RP1: variants seen among roughly 807,000 people sequenced by gnomAD.
The protein encoded by RP1 is RP1 axonemal microtubule associated.
In RP1, 16 loss-of-function variants were observed where a neutral mutation model predicts 14.8. The observed-to-expected ratio is 1.08, with a 90% CI of 0.73 to 1.65. The LOEUF is 1.65. Ranked by LOEUF, RP1 falls within the 40% of genes most tolerant of loss-of-function variation. RP1 has a pLI of 0.00. For synonymous variants in RP1, 876 were observed against 883.6 expected (o/e 0.99, Z 0.15); for missense variants, 2,631 against 2,535.0 (o/e 1.04, Z -0.81).
intron 19 of RP1, among the ~76,000 whole-genome samples, chr8:54,739,852 T>C (rs1809027774): frequency 6.6e-6 from 1 of 152,078 alleles, no homozygotes; most frequent in Non-Finnish European, 1.5e-5. Context: ...AGCTGAAAAA[T>C]TCTTACTGCC....
At position 54,717,679 on chromosome 8, in the gene RP1, A is replaced by G. The variant is rs548219682; in HGVS notation, c.2212-2450A>G. Among the ~76,000 whole-genome samples, 24 of 152,296 alleles carry G rather than the reference A, an allele frequency of 1.6e-4. No homozygotes were observed. In the South Asian group the frequency reaches 5.0e-3, roughly 32 times the overall value. Reference sequence around the variant, plus strand: ...TGAGAAACTGGATGCTTTTTCTTTAAGATCAAGAACAAAGCAAGGACATCT... The same window carrying G: ...TGAGAAACTGGATGCTTTTTCTTTAGGATCAAGAACAAAGCAAGGACATCT... On this transcript the variant is annotated intron_variant, in intron 15 of 22. Transcript: ENST00000636932.
Position 54,807,675 on chromosome 8 carries a change from T to TC in RP1, c.3615+23965_3615+23966insC, listed in dbSNP as rs1810889429. Among the ~76,000 whole-genome samples, 4 of 113,646 alleles carry TC rather than the reference T, an allele frequency of 3.5e-5. No individual in the cohort carries two copies. In the Admixed American group the frequency reaches 3.9e-4, roughly 11 times the overall value. 74.6% of individuals were successfully genotyped at this position (113,646 alleles called of 152,430 possible). A position where few individuals can be genotyped will look rare whatever the true frequency, so the allele number is the denominator to read the frequency against. On this transcript the variant is annotated intron_variant, in intron 24 of 28. Transcript: ENST00000637698. ...CTATCTATCTATCTATCTATCTATC[T>TC]ATTTATCTATCTCTATCTATCTATC...
intron 7 of RP1, among the ~76,000 whole-genome samples, chr8:54,671,148 G>C (rs1003827349): frequency 1.3e-5 from 2 of 151,790 alleles, no homozygotes; most frequent in Non-Finnish European, 2.9e-5. Context: ...TTAATATTTT[G>C]AATGTATCAT....
intron 26 of RP1, among the ~76,000 whole-genome samples, chr8:54,854,017 A>C (rs975276510): frequency 6.6e-6 from 1 of 152,018 alleles, no homozygotes; most frequent in African/African-American, 2.4e-5. Flanking sequence ...GAAATGAAGG[A>C]AAGAAAATAA....
chr8:54,769,817 C>A, exon 23 of RP1: 2 of 1,511,472 alleles, frequency 1.3e-6, no homozygotes, highest in Non-Finnish European at 1.8e-6. Flanking sequence ...TTACTGAAAC[C>A]ATCAGTAGAA....
chr8:54,560,050 C>G (rs1804249978), intron 1 of RP1, among the ~76,000 whole-genome samples: 1 of 152,144 alleles, frequency 6.6e-6, no homozygotes, highest in African/African-American at 2.4e-5. Context: ...TTGCAGCCGG[C>G]AGAATGTAGC....
intron 3 of RP1, among the ~76,000 whole-genome samples, chr8:54,638,705 T>A: frequency 6.6e-6 from 1 of 152,130 alleles, no homozygotes; most frequent in East Asian, 1.9e-4. Flanking sequence ...GTTGGTTTGT[T>A]TGTTTTTGCT....
Position 54,855,539 on chromosome 8 carries a change from A to T in RP1, c.3991-1489A>T, listed in dbSNP as rs536751588. Among the ~76,000 whole-genome samples, 14 of 152,348 alleles carry T rather than the reference A, an allele frequency of 9.2e-5. No individual in the cohort carries two copies. The East Asian group carries it at 2.5e-3, about 27-fold the overall frequency. On this transcript the variant is annotated intron_variant, in intron 26 of 28. Transcript: ENST00000637698. ...AAAGATTTCTGTTCCTCAAGATACC[A>T]TTAAGAGAGTAAAAAGGGAAGGCAC...
At chr8:54,851,064 T>C (rs766019485) in intron 25 of RP1, among the ~76,000 whole-genome samples, 1 of 152,216 alleles carries the variant, frequency 6.6e-6, no homozygotes, top group East Asian at 1.9e-4. Context: ...TGTGTGTGTG[T>C]GTGCGTGCAT....
At chr8:54,569,036 A>G (rs577654138) in intron 1 of RP1, among the ~76,000 whole-genome samples, 3 of 152,390 alleles carry the variant, frequency 2.0e-5, no homozygotes, top group African/African-American at 7.2e-5. Flanking sequence ...TGCCTGGCAC[A>G]TACTAAATAC....
intron 1 of RP1, among the ~76,000 whole-genome samples, chr8:54,571,576 C>T (rs901583560): frequency 2.6e-5 from 4 of 152,202 alleles, no homozygotes; most frequent in Non-Finnish European, 5.9e-5. Flanking sequence ...GGTTAAGATC[C>T]ATCAGCTCAA....
chr8:54,790,577 A>C (rs1483327954), intron 24 of RP1, among the ~76,000 whole-genome samples: 4 of 151,790 alleles, frequency 2.6e-5, no homozygotes, highest in Non-Finnish European at 5.9e-5. Flanking sequence ...AAAAAAAAAA[A>C]GGTAGACAAC....
At chr8:54,762,901 C>T (rs983898472) in intron 22 of RP1, among the ~76,000 whole-genome samples, 2 of 152,156 alleles carry the variant, frequency 1.3e-5, no homozygotes, top group African/African-American at 4.8e-5. Context: ...GGCTGTCTTC[C>T]TTTTGTGTGT....
chr8:54,715,925 T>G (rs757506751), intron 15 of RP1, among the ~76,000 whole-genome samples: 1 of 152,222 alleles, frequency 6.6e-6, no homozygotes, highest in African/African-American at 2.4e-5. Flanking sequence ...TGTGCAAAGT[T>G]CAATACCAGA....
At position 54,678,517 on chromosome 8, in the gene RP1, T is replaced by C. The variant is rs116932954; in HGVS notation, c.1459T>C (p.Tyr487His). ...CAAGGATCCCACAACAAATTACGAA[T>C]ATGCCTTCTTCTGTCACAGGTTTGT... is the stretch of plus-strand genomic sequence containing the variant. Residue 487 changes from tyrosine to histidine, a missense_variant, in exon 9 of 23, where the codon TAT becomes CAT. Transcript: ENST00000636932. 16,975 of 1,534,102 alleles carry C rather than the reference T, an allele frequency of 0.011. 123 individuals carry two copies. The highest frequency in any genetic ancestry group is 0.014 in the Non-Finnish European group (15,669 of 1,145,932).
At chr8:54,717,937 A>G (rs1314335408) in intron 15 of RP1, among the ~76,000 whole-genome samples, 2 of 152,184 alleles carry the variant, frequency 1.3e-5, no homozygotes, top group Non-Finnish European at 2.9e-5. Flanking sequence ...GCATTCCTAT[A>G]TACTAGCAAT....
Position 54,625,142 on chromosome 8 carries a change from C to A in RP1, c.1260C>A (p.Cys420Ter). 1 of 1,614,150 alleles carries A rather than the reference C, an allele frequency of 6.2e-7. No homozygotes were observed. The highest frequency in any genetic ancestry group is 8.5e-7 in the Non-Finnish European group (1 of 1,180,012). ...TGACAGATCAAGTGGCTGAAACTTGCAGTTCTGCTAGTTGGGAGAATGCTA... is the reference window on the plus strand; with the variant it reads ...TGACAGATCAAGTGGCTGAAACTTGAAGTTCTGCTAGTTGGGAGAATGCTA... Reference protein sequence around the residue: ...IQMTDQVAETCSSASWENATV... With the variant: ...IQMTDQVAET Residue 420 changes from cysteine to a stop codon, truncating the protein, a stop_gained, in exon 4 of 4, where the codon TGC becomes TGA. Coordinates refer to ENST00000220676, the MANE Select transcript of RP1 (RefSeq NM_006269.2). LOFTEE classifies it low-confidence loss of function (END_TRUNC).
intron 12 of RP1, among the ~76,000 whole-genome samples, chr8:54,682,821 T>A (rs1294750272): frequency 1.3e-5 from 2 of 152,210 alleles, no homozygotes; most frequent in African/African-American, 4.8e-5. Flanking sequence ...CATTTGTCAA[T>A]TTTTTCTTTT....
In RP1 at chr8:54,621,021, G is replaced by A. The variant is rs200828083; in HGVS notation, c.55G>A (p.Gly19Ser). 1 of 1,614,144 alleles carries A rather than the reference G, an allele frequency of 6.2e-7. No homozygotes were observed. Among genetic ancestry groups the A allele is most frequent in the East Asian group, 2.2e-5 (1 of 44,870 alleles). The change falls in exon 2 of 4, where the codon GGT (glycine) becomes AGT (serine). Residue 19 changes from glycine to serine, a missense_variant. Physicochemically the swap from Gly to Ser is moderately conservative, Grantham distance 56. Coordinates refer to ENST00000220676, the MANE Select transcript of RP1 (RefSeq NM_006269.2). ...FSIIHPTSSE[G>S]QVPPPRHLSL... ...CATCATTCATCCTACGTCTTCTGAAGGTCAAGTTCCACCCCCTCGCCATTT... is the reference window on the plus strand; with the variant it reads ...CATCATTCATCCTACGTCTTCTGAAAGTCAAGTTCCACCCCCTCGCCATTT...
Sources: gnomAD v4.1 joint callset for allele counts (sites outside exome capture counted in the v4.1 genomes callset) on GRCh38, gnomAD v4.1.1 for gene constraint, MANE v1.5 for transcripts, NCBI Gene and HGNC (gene_info 2026-07-23, HGNC 2026-07-21) for gene names.